The following CSMD1 variants were observed in gnomAD, a reference collection of about 807,000 sequenced individuals.
CSMD1 encodes the protein CUB and sushi domain-containing protein 1.
In CSMD1, 213 loss-of-function variants were observed where a neutral mutation model predicts 417.5. The ratio of observed to expected loss-of-function variants is 0.51; its 90% confidence interval spans 0.46 to 0.57. The LOEUF (loss-of-function observed/expected upper bound fraction) is 0.57. CSMD1 is among the 20% of genes least tolerant of loss of function. CSMD1 has a pLI of 0.00. For missense variants in CSMD1, 6,923 were observed against 4,529.7 expected, an observed-to-expected ratio of 1.53 and a Z score of -15.17; for synonymous variants, 2,862 against 1,736.8, an observed-to-expected ratio of 1.65 and a Z score of -16.11.
chr8:4,282,918 T>G (rs948472473), intron 3 of CSMD1, among the ~76,000 whole-genome samples: 1 of 152,200 alleles, frequency 6.6e-6, no homozygotes, highest in Non-Finnish European at 1.5e-5. Flanking sequence ...TTCATTGCTG[T>G]ATAAACATTT....
At chr8:4,084,396 ATTT>A (rs1255669707) in intron 3 of CSMD1, among the ~76,000 whole-genome samples, 9 of 152,158 alleles carry the variant, frequency 5.9e-5, no homozygotes, top group African/African-American at 2.2e-4. Context: ...TGCGATTTAA[ATTT>A]TTTAAATTCC....
chr8:4,362,871 G>C (rs980886577), intron 3 of CSMD1, among the ~76,000 whole-genome samples: 1 of 152,096 alleles, frequency 6.6e-6, no homozygotes, highest in African/African-American at 2.4e-5. Flanking sequence ...ATAAATTCAT[G>C]GCTCATCTGA....
Position 3,815,907 on chromosome 8 carries a change from T to C in CSMD1, c.819-61865A>G, listed in dbSNP as rs114398085. ...ACACTAAATTATCATCAAGAGTAAA[T>C]AGAAAGAGGAAAAAGAACAAATAAT... On this transcript the variant is annotated intron_variant, in intron 5 of 69. Coordinates refer to ENST00000635120, the MANE Select transcript of CSMD1 (RefSeq NM_033225.6). Among the ~76,000 whole-genome samples the C allele has an allele frequency of 5.7e-3, 860 of 152,192 alleles. 9 individuals carry two copies. The highest frequency in any genetic ancestry group is 0.019 in the African/African-American group (797 of 41,516).
chr8:4,740,425 G>T (rs1391299667), intron 1 of CSMD1, among the ~76,000 whole-genome samples: 1 of 152,116 alleles, frequency 6.6e-6, no homozygotes, highest in Non-Finnish European at 1.5e-5. Context: ...TGCTTACTCT[G>T]TTTCTGCAAC....
At chr8:4,159,727 T>C (rs1004800364) in intron 3 of CSMD1, among the ~76,000 whole-genome samples, 8 of 152,160 alleles carry the variant, frequency 5.3e-5, no homozygotes, top group African/African-American at 1.9e-4. Context: ...CAGCTGGGAC[T>C]ACAGGTGCCC....
intron 5 of CSMD1, among the ~76,000 whole-genome samples, chr8:3,838,078 G>A (rs561148639): frequency 6.7e-4 from 102 of 152,150 alleles, no homozygotes; most frequent in Middle Eastern, 6.8e-3. Context: ...TAGGGCTTTG[G>A]GAAAGCTGTA....
At chr8:4,817,145 A>T (rs1799255111) in intron 1 of CSMD1, among the ~76,000 whole-genome samples, 1 of 152,184 alleles carries the variant, frequency 6.6e-6, no homozygotes, top group Non-Finnish European at 1.5e-5. Context: ...CATAATATTT[A>T]CATAAATACA....
intron 6 of CSMD1, among the ~76,000 whole-genome samples, chr8:3,746,950 G>A (rs1438884439): frequency 6.6e-6 from 1 of 152,212 alleles, no homozygotes. Flanking sequence ...GAACAGGCCA[G>A]TCTGAGAAAT....
At chr8:4,882,563 A>G (rs1226854939) in intron 1 of CSMD1, among the ~76,000 whole-genome samples, 2 of 151,630 alleles carry the variant, frequency 1.3e-5, no homozygotes, top group African/African-American at 4.9e-5. Flanking sequence ...AGGCAACCCC[A>G]CTTTCCCTAA....
chr8:3,262,081 T>G (rs887266204), intron 26 of CSMD1, among the ~76,000 whole-genome samples: 3 of 151,218 alleles, frequency 2.0e-5, no homozygotes, highest in African/African-American at 7.3e-5. Flanking sequence ...GTAAAACAAG[T>G]TCAATTAAAA....
intron 1 of CSMD1, among the ~76,000 whole-genome samples, chr8:4,972,283 C>CT (rs1810286145): frequency 6.9e-6 from 1 of 145,576 alleles, no homozygotes; most frequent in African/African-American, 2.8e-5. Flanking sequence ...TCTGTCACCA[C>CT]CAAAAATTTC....
At chr8:3,896,901 G>A (rs941646118) in intron 5 of CSMD1, among the ~76,000 whole-genome samples, 2 of 151,618 alleles carry the variant, frequency 1.3e-5, no homozygotes, top group African/African-American at 4.9e-5. Flanking sequence ...TTGATGTTTG[G>A]TTCTCCAATA....
rs764716006 is a variant in CSMD1, at chr8:3,406,147, C to G, written c.2146G>C (p.Gly716Arg). 6.2e-7 allele frequency: 1 copy of G among 1,613,446 alleles called. No individual in the cohort carries two copies. Among genetic ancestry groups the G allele is most frequent in the Non-Finnish European group, 8.5e-7 (1 of 1,179,770 alleles). The stretch of plus-strand genomic sequence containing the variant: ...TCACAGTGGAAAGAAACCGAGCTCC[C>G]GAGTAGAAACCTGTCACCAAAACGT... ...GRRFGDRFLL[G>R]SSVSFHCDDG... Residue 716 changes from glycine to arginine, a missense_variant, in exon 15 of 70, where the codon GGG becomes CGG. Physicochemically the swap from Gly to Arg is moderately radical, Grantham distance 125 (BLOSUM62 -2). Transcript: ENST00000635120.
chr8:3,439,309 A>ATATATAAATATTTTTT, intron 12 of CSMD1, among the ~76,000 whole-genome samples: 1 of 62,482 alleles, frequency 1.6e-5, no homozygotes, highest in Non-Finnish European at 2.9e-5. Context: ...ATATATATAT[A>ATATATAAATATTTTTT]TTTTTTTTTT....
At chr8:3,850,233 G>C (rs1803804118) in intron 5 of CSMD1, among the ~76,000 whole-genome samples, 1 of 152,182 alleles carries the variant, frequency 6.6e-6, no homozygotes. Context: ...CCAAACAAAA[G>C]AATAAAAAAC....
At chr8:3,842,139 C>T (rs780759841) in intron 5 of CSMD1, among the ~76,000 whole-genome samples, 9 of 152,168 alleles carry the variant, frequency 5.9e-5, no homozygotes, top group Non-Finnish European at 1.2e-4. Flanking sequence ...ATCTCTTCTC[C>T]TTGTCAAACA....
intron 2 of CSMD1, among the ~76,000 whole-genome samples, chr8:4,496,733 A>T (rs1407893822): frequency 6.6e-6 from 1 of 152,134 alleles, no homozygotes; most frequent in Non-Finnish European, 1.5e-5. Flanking sequence ...ATGAGTAAAA[A>T]GCTACTTGCC....
chr8:3,854,182 G>C (rs1215500918), intron 5 of CSMD1, among the ~76,000 whole-genome samples: 1 of 146,562 alleles, frequency 6.8e-6, no homozygotes, highest in Non-Finnish European at 1.5e-5. Flanking sequence ...ACACGTCTTG[G>C]AAATGGACCA....
At chr8:3,448,334 A>AGGG (rs1252422227) in intron 12 of CSMD1, among the ~76,000 whole-genome samples, 7 of 21,190 alleles carry the variant, frequency 3.3e-4, no homozygotes, top group African/African-American at 5.7e-4. Flanking sequence ...GGAGCAAGGG[A>AGGG]GGGAGGGAGG....
Sources: allele counts gnomAD v4.1 joint callset (sites outside exome capture counted in the v4.1 genomes callset), GRCh38; gene constraint gnomAD v4.1.1; transcripts MANE v1.5; gene names NCBI Gene and HGNC (gene_info 2026-07-23, HGNC 2026-07-21).